CCNH: variants seen among roughly 807,000 people sequenced by gnomAD.
CCNH encodes the protein cyclin H, also known as cyclin-H.
A neutral mutation model predicts 41.9 loss-of-function variants in CCNH; 31 were observed. That is an observed-to-expected ratio of 0.74 (90% CI 0.56 to 1.00). The LOEUF is 1.00. CCNH is among the 50% of genes least tolerant of loss of function. CCNH has a pLI of 0.00. For missense variants in CCNH, 362 were observed against 388.4 expected, an observed-to-expected ratio of 0.93 and a Z score of 0.57; for synonymous variants, 138 against 136.1, an observed-to-expected ratio of 1.01 and a Z score of -0.10.
downstream of CCNH, among the ~76,000 whole-genome samples, chr5:87,388,667 T>C (rs146733912): frequency 2.6e-3 from 397 of 152,334 alleles, 2 homozygotes; most frequent in African/African-American, 9.0e-3. Flanking sequence ...ACACTGATTA[T>C]TCCCACACAT....
At chr5:87,406,685 TAGATA>T (rs897120357) in intron 4 of CCNH, among the ~76,000 whole-genome samples, 3 of 152,168 alleles carry the variant, frequency 2.0e-5, no homozygotes, top group Non-Finnish European at 2.9e-5. Flanking sequence ...CCAAATTTTT[TAGATA>T]AGGGATACTC....
rs571839010 is a variant in CCNH at position 87,347,926 on chromosome 5, T to TA, written c.*91-29030dup. Among the ~76,000 whole-genome samples, 492 of 152,118 alleles carry TA rather than the reference T, an allele frequency of 3.2e-3. 2 individuals are homozygous for TA. Among genetic ancestry groups the TA allele is most frequent in the Non-Finnish European group, 4.2e-3 (283 of 67,902 alleles). On this transcript the variant is annotated intron_variant and NMD_transcript_variant, in intron 9 of 9. Coordinates refer to the CCNH transcript ENST00000645953. The stretch of plus-strand genomic sequence containing the variant: ...AAGTCATACAAGGTTGAAAAGGAGC[T>TA]AAACTTAATTTCCTTAATACATTAG...
downstream of CCNH, chr5:87,390,705 T>G (rs1410850926): frequency 2.0e-6 from 2 of 987,480 alleles, no homozygotes; most frequent in Non-Finnish European, 3.2e-6. Flanking sequence ...TATGCATCCT[T>G]TTGCTTTGAT....
At chr5:87,330,847 T>G in intron 9 of CCNH, 1 of 706,248 alleles carries the variant, frequency 1.4e-6, no homozygotes, top group Non-Finnish European at 2.0e-6. Flanking sequence ...AAACAGGAAA[T>G]TAAAATAGCA....
chr5:87,386,943 A>G, downstream of CCNH: 1 of 1,501,700 alleles, frequency 6.7e-7, no homozygotes, highest in East Asian at 2.3e-5. Flanking sequence ...TAAGACTTCT[A>G]GTTGATATAG....
At chr5:87,363,464 G>A in intron 9 of CCNH, 5 of 1,612,482 alleles carry the variant, frequency 3.1e-6, no homozygotes, top group Non-Finnish European at 3.4e-6. Context: ...AGATCTCAGT[G>A]TATGTTCTGT....
At chr5:87,358,397 A>G (rs998820681) in intron 9 of CCNH, among the ~76,000 whole-genome samples, 1 of 152,222 alleles carries the variant, frequency 6.6e-6, no homozygotes, top group Non-Finnish European at 1.5e-5. Flanking sequence ...TTTCAAAGAT[A>G]AGGCAACTGA....
At chr5:87,398,841 A>T (rs3093829) in intron 7 of CCNH, among the ~76,000 whole-genome samples, 1 of 151,856 alleles carries the variant, frequency 6.6e-6, no homozygotes, top group East Asian at 1.9e-4. Flanking sequence ...GGCGTGGTGG[A>T]GGGCGCCTGT....
chr5:87,354,568 G>A (rs1055525405), intron 9 of CCNH, among the ~76,000 whole-genome samples: 1 of 152,038 alleles, frequency 6.6e-6, no homozygotes, highest in African/African-American at 2.4e-5. Context: ...TCTCCTTGGG[G>A]CTTCCTATTT....
At position 87,366,248 on chromosome 5, in the gene CCNH, C is replaced by G. The variant is rs1352366491; in HGVS notation, c.*90+26522G>C. On this transcript the variant is annotated intron_variant and NMD_transcript_variant, in intron 9 of 9. Coordinates refer to the CCNH transcript ENST00000645953. ...AATGATTCACTAATGATACTTACAA[C>G]TGCAATTAGATGAATCTTAAGGAAG... is the stretch of plus-strand genomic sequence containing the variant. 5 of 234,338 alleles carry G rather than the reference C, an allele frequency of 2.1e-5. No homozygotes were observed. The East Asian group carries it at 3.7e-4, about 17-fold the overall frequency. The allele number at this position is 234,338 out of a possible 1,614,324, so 14.5% of individuals were successfully genotyped here.
intron 9 of CCNH, chr5:87,332,720 T>C: frequency 7.5e-7 from 1 of 1,341,130 alleles, no homozygotes; most frequent in African/African-American, 1.5e-5. Context: ...GCTCAGTTTC[T>C]TATGTTTATT....
At chr5:87,390,349 G>A (rs1398378556), downstream of CCNH, among the ~76,000 whole-genome samples, 2 of 152,022 alleles carry the variant, frequency 1.3e-5, no homozygotes, top group Admixed American at 1.3e-4. Flanking sequence ...TTTGTAGAAG[G>A]GATTAAAGCA....
downstream of CCNH, chr5:87,389,388 T>A (rs1379961363): frequency 6.2e-7 from 1 of 1,614,022 alleles, no homozygotes; most frequent in Non-Finnish European, 8.5e-7. Flanking sequence ...ACGATTCCCT[T>A]AAAGAATGTA....
rs2112369561 is a variant in CCNH at position 87,332,647 on chromosome 5, G to A, written c.*91-13750C>T. 6.2e-7 allele frequency: 1 copy of A among 1,606,818 alleles called. No individual in the cohort carries two copies. Among genetic ancestry groups the A allele is most frequent in the Non-Finnish European group, 8.5e-7 (1 of 1,174,280 alleles). ...TACCCAGTTGCACCACCAGAGGCAA[G>A]TAAAATGAATAAAATATCTTTCAAA... On this transcript the variant is annotated intron_variant and NMD_transcript_variant, in intron 9 of 9. Transcript: ENST00000645953.
upstream of CCNH, chr5:87,378,481 T>G: frequency 6.2e-7 from 1 of 1,612,540 alleles, no homozygotes; most frequent in South Asian, 1.1e-5. Context: ...CACAGTTTGT[T>G]CATCATGCTT....
intron 9 of CCNH, among the ~76,000 whole-genome samples, chr5:87,350,887 C>T (rs1218760431): frequency 2.0e-5 from 3 of 151,444 alleles, no homozygotes; most frequent in Admixed American, 6.6e-5. Flanking sequence ...GAATCAGGTG[C>T]TGTGAAAATG....
intron 7 of CCNH, among the ~76,000 whole-genome samples, chr5:87,398,888 A>T (rs1763172910): frequency 6.6e-6 from 1 of 151,532 alleles, no homozygotes; most frequent in Admixed American, 6.6e-5. Context: ...CAGGAGAATG[A>T]CCTGAACCTG....
Position 87,329,917 on chromosome 5 carries a change from C to A in CCNH, c.*91-11020G>T, listed in dbSNP as rs1388656605. On this transcript the variant is annotated intron_variant and NMD_transcript_variant, in intron 9 of 9. Transcript: ENST00000645953. ...ATTTACGATCTCTGGTGTAAACTTT[C>A]CATTTCAGATTTAAAAAGTCCCTGA... Among the ~76,000 whole-genome samples the A allele has an allele frequency of 4.6e-5, 7 of 152,196 alleles. No individual in the cohort carries two copies. In the East Asian group the frequency reaches 1.4e-3, roughly 29 times the overall value.
chr5:87,365,074 T>A (rs1313816493), intron 9 of CCNH, among the ~76,000 whole-genome samples: 1 of 152,128 alleles, frequency 6.6e-6, no homozygotes, highest in Non-Finnish European at 1.5e-5. Context: ...GGGAACAATT[T>A]TATTGAGATC....
Sources: allele counts gnomAD v4.1 joint callset (sites outside exome capture counted in the v4.1 genomes callset), GRCh38; gene constraint gnomAD v4.1.1; transcripts MANE v1.5; gene names NCBI Gene and HGNC (gene_info 2026-07-23, HGNC 2026-07-21).